ANKDD1B: variants seen among roughly 807,000 people sequenced by gnomAD.
ANKDD1B encodes ankyrin repeat and death domain-containing protein 1B.
ANKDD1B carries 57 observed loss-of-function variants against 59.7 expected under a neutral mutation model. The observed-to-expected ratio is 0.95, with a 90% confidence interval of 0.77 to 1.19. ANKDD1B has a LOEUF of 1.19. ANKDD1B is among the 50% of genes most tolerant of loss of function. The probability of loss-of-function intolerance (pLI) is 0.00; values close to 1 mark genes in which losing one functional copy is unlikely to be tolerated. For synonymous variants in ANKDD1B, 216 were observed against 239.5 expected, an observed-to-expected ratio of 0.90 and a Z score of 0.91; for missense variants, 602 against 641.9, an observed-to-expected ratio of 0.94 and a Z score of 0.67.
Position 75,620,423 on chromosome 5 carries a change from T to C in ANKDD1B, c.396+10T>C, listed in dbSNP as rs1172231578. The C allele has an allele frequency of 5.4e-6, 8 of 1,478,454 alleles. No individual in the cohort carries two copies. The highest frequency in any genetic ancestry group is 6.4e-6 in the Non-Finnish European group (7 of 1,095,784). The allele number at this position is 1,478,454 out of a possible 1,614,324, so 91.6% of individuals were successfully genotyped here. ...GGATGTTGCTGATAAGGTAAGCTCA[T>C]CTTGAGTAGAACAAGTTGGAGCATA... On this transcript the variant is annotated intron_variant, in intron 3 of 13. Coordinates refer to ENST00000601380, the MANE Select transcript of ANKDD1B (RefSeq NM_001276713.2).
chr5:75,636,592 G>A (rs542600179), intron 7 of ANKDD1B, among the ~76,000 whole-genome samples: 1 of 152,322 alleles, frequency 6.6e-6, no homozygotes, highest in South Asian at 2.1e-4. Flanking sequence ...TTCATCTTAG[G>A]TGTGGGCAGG....
At chr5:75,616,169 C>A (rs1773711528) in intron 1 of ANKDD1B, among the ~76,000 whole-genome samples, 1 of 152,148 alleles carries the variant, frequency 6.6e-6, no homozygotes, top group South Asian at 2.1e-4. Flanking sequence ...CCCTACATAA[C>A]AAAAAACTCA....
intron 1 of ANKDD1B, among the ~76,000 whole-genome samples, chr5:75,615,252 G>T (rs1407850554): frequency 6.6e-6 from 1 of 152,194 alleles, no homozygotes; most frequent in Non-Finnish European, 1.5e-5. Context: ...GATTTCAGAG[G>T]TAGTGCAGTT....
At chr5:75,636,877 G>A (rs545247407) in intron 7 of ANKDD1B, among the ~76,000 whole-genome samples, 1 of 152,150 alleles carries the variant, frequency 6.6e-6, no homozygotes, top group East Asian at 1.9e-4. Context: ...AGTGAGGTAG[G>A]TAATGAGGGC....
intron 9 of ANKDD1B, among the ~76,000 whole-genome samples, 195 bp downstream of exon 9, chr5:75,656,322 A>G (rs1774973945): frequency 6.6e-6 from 1 of 152,162 alleles, no homozygotes; most frequent in African/African-American, 2.4e-5. Flanking sequence ...TTTCTCAGCC[A>G]CACAACTGGA....
chr5:75,619,246 G>A (rs1008478206), intron 2 of ANKDD1B, among the ~76,000 whole-genome samples: 5 of 152,170 alleles, frequency 3.3e-5, no homozygotes, highest in African/African-American at 4.8e-5. Context: ...TTGCACAAAC[G>A]CCATCACAAC....
chr5:75,662,656 C>G (rs1278070067), intron 10 of ANKDD1B, among the ~76,000 whole-genome samples: 3 of 152,102 alleles, frequency 2.0e-5, no homozygotes, highest in Non-Finnish European at 2.9e-5. Flanking sequence ...TTGCAAAGCT[C>G]TATGCCCTGG....
chr5:75,627,598 T>G (rs993879053), intron 5 of ANKDD1B, among the ~76,000 whole-genome samples: 6 of 152,250 alleles, frequency 3.9e-5, no homozygotes, highest in Non-Finnish European at 7.3e-5. Context: ...TGCTATTTAG[T>G]ATCAGAATAA....
At chr5:75,614,720 G>C (rs1317323855) in intron 1 of ANKDD1B, among the ~76,000 whole-genome samples, 1 of 152,192 alleles carries the variant, frequency 6.6e-6, no homozygotes, top group Non-Finnish European at 1.5e-5. Context: ...TATCCAGGCT[G>C]GGTTATGGGC....
intron 5 of ANKDD1B, among the ~76,000 whole-genome samples, chr5:75,629,121 G>A (rs1329647263): frequency 2.6e-5 from 4 of 152,108 alleles, no homozygotes; most frequent in African/African-American, 4.8e-5. Flanking sequence ...GGGGACTTGA[G>A]AAGACACCTG....
rs999464564 is a variant in ANKDD1B, at chr5:75,662,663, C to T, written c.1096-731C>T. ...GATTCTGCTTGCAAAGCTCTATGCC[C>T]TGGCTTTGAGCTCTGTCCATCTTGA... is the stretch of plus-strand genomic sequence containing the variant. On this transcript the variant is annotated intron_variant, in intron 10 of 13. Coordinates refer to ENST00000601380, the MANE Select transcript of ANKDD1B (RefSeq NM_001276713.2). Among the ~76,000 whole-genome samples, 5 of 152,212 alleles carry T rather than the reference C, an allele frequency of 3.3e-5. No homozygotes were observed. In the South Asian group the frequency reaches 1.0e-3, roughly 32 times the overall value.
chr5:75,626,918 C>G (rs993400776), intron 5 of ANKDD1B, among the ~76,000 whole-genome samples: 1 of 152,068 alleles, frequency 6.6e-6, no homozygotes, highest in Admixed American at 6.5e-5. Context: ...GAATACTACA[C>G]CATAAAAGTT....
At chr5:75,614,668 A>G (rs949413885) in intron 1 of ANKDD1B, among the ~76,000 whole-genome samples, 10 of 152,184 alleles carry the variant, frequency 6.6e-5, no homozygotes, top group Non-Finnish European at 1.5e-4. Context: ...CCAAAGTGAC[A>G]TGCCATCACT....
At chr5:75,651,945 C>A (rs928508343) in intron 7 of ANKDD1B, among the ~76,000 whole-genome samples, 13 of 152,180 alleles carry the variant, frequency 8.5e-5, no homozygotes, top group African/African-American at 3.1e-4. Context: ...AGAAAGAGAA[C>A]TAGCCAGCTC....
intron 9 of ANKDD1B, among the ~76,000 whole-genome samples, chr5:75,658,364 A>ACAT (rs1775029861): frequency 1.3e-5 from 2 of 152,174 alleles, no homozygotes; most frequent in Non-Finnish European, 2.9e-5. Context: ...GGGCTAGATC[A>ACAT]CATCAAAGGA....
chr5:75,627,328 T>C (rs753241175), intron 5 of ANKDD1B, among the ~76,000 whole-genome samples: 24 of 152,252 alleles, frequency 1.6e-4, no homozygotes, highest in Non-Finnish European at 2.9e-4. Flanking sequence ...CTTTGATATA[T>C]AATGATTGAC....
chr5:75,657,665 T>C (rs918705572), intron 9 of ANKDD1B, among the ~76,000 whole-genome samples: 2 of 152,072 alleles, frequency 1.3e-5, no homozygotes, highest in Admixed American at 1.3e-4. Flanking sequence ...TCCCAACACT[T>C]TGGGAGGCTG....
At chr5:75,667,981 A>G (rs2112037242) in intron 12 of ANKDD1B, among the ~76,000 whole-genome samples, 1 of 152,328 alleles carries the variant, frequency 6.6e-6, no homozygotes, top group South Asian at 2.1e-4. Context: ...ATTGAATACT[A>G]ACTAGTTTCT....
intron 10 of ANKDD1B, 65 bp from the exon 11 acceptor site, chr5:75,663,329 T>C (rs1245715361): frequency 8.1e-7 from 1 of 1,241,184 alleles, no homozygotes; most frequent in African/African-American, 1.5e-5. Flanking sequence ...GCCCCCTTGT[T>C]CCAAAACTAG....
Sources: gnomAD v4.1 joint callset for allele counts (sites outside exome capture counted in the v4.1 genomes callset) on GRCh38, gnomAD v4.1.1 for gene constraint, MANE v1.5 for transcripts, NCBI Gene and HGNC (gene_info 2026-07-23, HGNC 2026-07-21) for gene names.